The following LIPI variants were observed in gnomAD, a reference collection of about 807,000 sequenced individuals.
LIPI encodes the protein lipase member I.
In LIPI, 59 loss-of-function variants were observed where a neutral mutation model predicts 50.6. The observed-to-expected ratio is 1.16, with a 90% confidence interval of 0.94 to 1.45. The LOEUF (loss-of-function observed/expected upper bound fraction) is 1.45. Ranked by LOEUF, LIPI falls within the 40% of genes most tolerant of loss-of-function variation. The pLI is 0.00. For missense variants in LIPI, 586 were observed against 536.3 expected, an observed-to-expected ratio of 1.09 and a Z score of -0.92; for synonymous variants, 203 against 178.2, an observed-to-expected ratio of 1.14 and a Z score of -1.11.
chr21:14,169,800 A>G (rs1411290361), intron 4 of LIPI, among the ~76,000 whole-genome samples: 1 of 152,224 alleles, frequency 6.6e-6, no homozygotes, highest in Admixed American at 6.5e-5. Flanking sequence ...CACAATTAAA[A>G]GAACTAGAAA....
intron 4 of LIPI, among the ~76,000 whole-genome samples, chr21:14,168,247 C>G (rs2018763817): frequency 1.3e-5 from 2 of 152,252 alleles, no homozygotes; most frequent in South Asian, 4.2e-4. Context: ...ATTGGTGTAC[C>G]TGAAAGTGAC....
At chr21:14,163,827 T>C (rs1228312690) in intron 6 of LIPI, among the ~76,000 whole-genome samples, 1 of 151,884 alleles carries the variant, frequency 6.6e-6, no homozygotes, top group African/African-American at 2.4e-5. Context: ...ATTCAGGATT[T>C]TACCTGTAAT....
At chr21:14,183,173 T>G (rs2019333651) in intron 3 of LIPI, among the ~76,000 whole-genome samples, 1 of 152,174 alleles carries the variant, frequency 6.6e-6, no homozygotes, top group African/African-American at 2.4e-5. Context: ...TAATGCTGCA[T>G]ATCTACAACT....
intron 7 of LIPI, among the ~76,000 whole-genome samples, chr21:14,160,601 A>C (rs1188507976): frequency 1.3e-5 from 2 of 151,390 alleles, no homozygotes; most frequent in Non-Finnish European, 3.0e-5. Context: ...GAGTTCTTAG[A>C]CTTGACACCT....
chr21:14,171,762 C>T (rs980227236), intron 4 of LIPI, among the ~76,000 whole-genome samples: 27 of 151,744 alleles, frequency 1.8e-4, no homozygotes, highest in African/African-American at 6.1e-4. Context: ...CCATAAAAAC[C>T]CTAGAAGAAA....
chr21:14,144,831 T>G lies in LIPI; in HGVS notation c.1119-32A>C, dbSNP rs745852174. 1.8e-5 allele frequency: 26 copies of G among 1,429,548 alleles called. No homozygotes were observed. The South Asian group carries it at 2.7e-4, about 15-fold the overall frequency. The allele number at this position is 1,429,548 out of a possible 1,614,324, so 88.6% of individuals were successfully genotyped here. On this transcript the variant is annotated intron_variant, in intron 8 of 9. Transcript: ENST00000681601. ...AGAAAATTTGATACACGCAGCATAT[T>G]AATAATTTGAAACATAACTCAATTC...
chr21:14,155,326 G>A (rs554264188), intron 7 of LIPI, among the ~76,000 whole-genome samples: 2 of 151,958 alleles, frequency 1.3e-5, no homozygotes, highest in Admixed American at 6.6e-5. Flanking sequence ...AATGAACAAA[G>A]CCTCAGGGAT....
At chr21:14,154,000 A>G (rs2018189438) in intron 7 of LIPI, among the ~76,000 whole-genome samples, 1 of 152,192 alleles carries the variant, frequency 6.6e-6, no homozygotes, top group East Asian at 1.9e-4. Flanking sequence ...CTGAAAAAAG[A>G]AAATCTGACT....
intron 7 of LIPI, among the ~76,000 whole-genome samples, chr21:14,153,653 C>T (rs1444622750): frequency 6.6e-6 from 1 of 152,098 alleles, no homozygotes; most frequent in Non-Finnish European, 1.5e-5. Context: ...CCCTGGACCC[C>T]TCTGGGACTT....
intron 1 of LIPI, among the ~76,000 whole-genome samples, chr21:14,194,353 C>T (rs1423648549): frequency 6.6e-6 from 1 of 151,974 alleles, no homozygotes; most frequent in East Asian, 1.9e-4. Context: ...TTTGTATACC[C>T]ATGTTTATAG....
intron 9 of LIPI, among the ~76,000 whole-genome samples, chr21:14,139,817 C>T (rs1247152183): frequency 6.6e-6 from 1 of 152,092 alleles, no homozygotes; most frequent in Non-Finnish European, 1.5e-5. Context: ...GAAGAAATTT[C>T]TAGGCAGAGG....
chr21:14,195,785 C>T (rs1486534778), intron 1 of LIPI, among the ~76,000 whole-genome samples: 3 of 151,914 alleles, frequency 2.0e-5, no homozygotes, highest in South Asian at 2.1e-4. Flanking sequence ...ATGTTTCAAT[C>T]GGCAAAAGAA....
At chr21:14,206,768 C>A (rs1457947428) in intron 1 of LIPI, 1 of 1,158,828 alleles carries the variant, frequency 8.6e-7, no homozygotes, top group Non-Finnish European at 1.3e-6. Context: ...ATTTCCTCTT[C>A]TTTTCTTCAT....
At chr21:14,174,073 C>T (rs1027548672) in intron 4 of LIPI, among the ~76,000 whole-genome samples, 37 of 152,146 alleles carry the variant, frequency 2.4e-4, no homozygotes, top group African/African-American at 8.2e-4. Flanking sequence ...ACATGGAGTT[C>T]CAAGACTAGG....
chr21:14,113,926 A>G (rs1411646029), intron 9 of LIPI, among the ~76,000 whole-genome samples: 3 of 152,140 alleles, frequency 2.0e-5, no homozygotes, highest in Admixed American at 2.0e-4. Flanking sequence ...AGTGGCTCAC[A>G]CCTGTAATCC....
intron 9 of LIPI, among the ~76,000 whole-genome samples, chr21:14,138,201 T>TA (rs142514092): frequency 6.6e-6 from 1 of 151,238 alleles, no homozygotes; most frequent in African/African-American, 2.4e-5. Context: ...TAAACATAGA[T>TA]AAAAAATAAA....
chr21:14,181,802 T>C lies in LIPI; in HGVS notation c.599A>G (p.Tyr200Cys), dbSNP rs2019279417. 4.3e-6 allele frequency: 7 copies of C among 1,612,502 alleles called. No homozygotes were observed. The Admixed American group carries it at 6.7e-5, about 15-fold the overall frequency. The change falls in exon 4 of 10, where the codon TAC (tyrosine) becomes TGC (cysteine). Residue 200 changes from tyrosine (Y) to cysteine (C), a missense_variant. Tyr to Cys is a radical substitution (Grantham distance 194). Transcript: ENST00000681601. Reference protein sequence around the residue: ...SRKPPYSRLDYTDAKFVDVIH... With the variant: ...SRKPPYSRLDCTDAKFVDVIH... ...GACATCCACAAACTTTGCATCCGTG[T>C]AATCTAATCTGCTATATGGTGGTTT...
rs1159456186 is a variant in LIPI at position 14,180,711 on chromosome 21, T to C, written c.643+1047A>G. 8.5e-5 allele frequency among the ~76,000 whole-genome samples: 13 copies of C among 152,338 alleles called. No homozygotes were observed. The East Asian group carries it at 1.9e-3, about 23-fold the overall frequency. On this transcript the variant is annotated intron_variant, in intron 4 of 9. Coordinates refer to ENST00000681601, the MANE Select transcript of LIPI (RefSeq NM_001302998.2). ...TGACTTCTTTGGTTTTGACTGCTTA[T>C]AGAAGTAGGTGAACCTAGATTCCAA... is the stretch of plus-strand genomic sequence containing the variant.
At chr21:14,170,223 T>C (rs553000526) in intron 4 of LIPI, among the ~76,000 whole-genome samples, 2 of 152,258 alleles carry the variant, frequency 1.3e-5, no homozygotes, top group South Asian at 4.2e-4. Context: ...CAATAATCAA[T>C]AGCTTACCAA....
Sources: gnomAD v4.1 joint callset for allele counts (sites outside exome capture counted in the v4.1 genomes callset) on GRCh38, gnomAD v4.1.1 for gene constraint, MANE v1.5 for transcripts, NCBI Gene and HGNC (gene_info 2026-07-23, HGNC 2026-07-21) for gene names.